The following PCDHA10 variants were observed in gnomAD, a reference collection of about 807,000 sequenced individuals.
The protein encoded by PCDHA10 is protocadherin alpha 10, also known as protocadherin alpha-10.
Under a neutral mutation model 61.2 loss-of-function variants are expected in PCDHA10, and 45 were observed. The ratio of observed to expected loss-of-function variants is 0.74; its 90% confidence interval spans 0.58 to 0.94. The LOEUF (loss-of-function observed/expected upper bound fraction) is 0.94. PCDHA10 is among the 40% of genes least tolerant of loss of function. PCDHA10 has a pLI of 0.00. For missense variants in PCDHA10, 1,278 were observed against 1,236.2 expected, an observed-to-expected ratio of 1.03 and a Z score of -0.51; for synonymous variants, 602 against 548.8, an observed-to-expected ratio of 1.10 and a Z score of -1.35.
rs2058926605 is a variant in PCDHA10, at chr5:140,882,051, AC to A, written c.2388+23616del. The A allele has an allele frequency of 7.9e-6, 6 of 757,556 alleles. No homozygotes were observed. The Admixed American group carries it at 1.6e-4, about 20-fold the overall frequency. 46.9% of individuals were successfully genotyped at this position (757,556 alleles called of 1,614,324 possible). A position where few individuals can be genotyped will look rare whatever the true frequency, so the allele number is the denominator to read the frequency against. ...AAAATATGAAGACTGAGTCATACTT[AC>A]ACTTACACGTTCATGCGCATGGTGT... On this transcript the variant is annotated intron_variant, in intron 1 of 3. Coordinates refer to ENST00000307360, the MANE Select transcript of PCDHA10 (RefSeq NM_018901.4).
chr5:140,929,071 T>C, intron 1 of PCDHA10: 1 of 1,614,122 alleles, frequency 6.2e-7, no homozygotes, highest in South Asian at 1.1e-5. Flanking sequence ...GGATCTGAGG[T>C]ATGGAAGTAA....
chr5:140,897,722 T>G (rs1236534951), intron 1 of PCDHA10, among the ~76,000 whole-genome samples: 10 of 152,162 alleles, frequency 6.6e-5, no homozygotes, highest in Admixed American at 6.5e-4. Context: ...GATGGCTGGG[T>G]CAAATAGTAT....
intron 1 of PCDHA10, among the ~76,000 whole-genome samples, chr5:140,948,075 T>C (rs1554218432): frequency 1.3e-5 from 2 of 151,684 alleles, no homozygotes; most frequent in Non-Finnish European, 3.0e-5. Flanking sequence ...AATTTTCTTT[T>C]AATCTATTGA....
intron 3 of PCDHA10, among the ~76,000 whole-genome samples, chr5:141,001,598 G>C (rs2098027263): frequency 6.6e-6 from 1 of 152,088 alleles, no homozygotes; most frequent in South Asian, 2.1e-4. Flanking sequence ...ACTCAGATTA[G>C]GTTTGCCCAA....
At chr5:140,969,485 T>C (rs1485555970) in intron 1 of PCDHA10, 4 of 1,461,452 alleles carry the variant, frequency 2.7e-6, no homozygotes, top group African/African-American at 2.9e-5. Flanking sequence ...CATAATCTGC[T>C]ATTTCCTCTC....
intron 3 of PCDHA10, among the ~76,000 whole-genome samples, chr5:140,985,361 G>T (rs1453706797): frequency 1.3e-5 from 2 of 152,132 alleles, no homozygotes; most frequent in Non-Finnish European, 2.9e-5. Flanking sequence ...GACCCTCTGA[G>T]GTTATCTGGG....
At position 140,876,102 on chromosome 5, in the gene PCDHA10, A is replaced by G. The variant is rs1363448025; in HGVS notation, c.2388+17666A>G. 4 of 1,613,844 alleles carry G rather than the reference A, an allele frequency of 2.5e-6. No individual in the cohort carries two copies. The African/African-American group carries it at 4.0e-5, about 16-fold the overall frequency. ...GAGAGCAAACGCCAAAACTCAATTT[A>G]TTGCTGATGGTAATCGATGGCGGTA... On this transcript the variant is annotated intron_variant, in intron 1 of 3. Coordinates refer to ENST00000307360, the MANE Select transcript of PCDHA10 (RefSeq NM_018901.4).
At chr5:140,895,454 G>T (rs1554186522) in intron 1 of PCDHA10, among the ~76,000 whole-genome samples, 1 of 151,918 alleles carries the variant, frequency 6.6e-6, no homozygotes, top group Non-Finnish European at 1.5e-5. Context: ...TGTGCTTATT[G>T]GTCATTTCTT....
chr5:140,893,135 T>C (rs1405005785), intron 1 of PCDHA10, among the ~76,000 whole-genome samples: 1 of 152,252 alleles, frequency 6.6e-6, no homozygotes, highest in Non-Finnish European at 1.5e-5. Flanking sequence ...ATTTTCTTTA[T>C]CCACTCATCT....
intron 1 of PCDHA10, chr5:140,868,884 T>C: frequency 1.4e-6 from 1 of 728,466 alleles, no homozygotes; most frequent in East Asian, 2.8e-5. Flanking sequence ...ACTCACAGTT[T>C]TAGGCGCAAG....
chr5:140,921,587 A>G (rs970982898), intron 1 of PCDHA10, among the ~76,000 whole-genome samples: 2 of 152,228 alleles, frequency 1.3e-5, no homozygotes, highest in Non-Finnish European at 2.9e-5. Context: ...ATACTATATT[A>G]TGGTTTCAAA....
At chr5:141,007,980 A>G (rs533342900) in intron 3 of PCDHA10, among the ~76,000 whole-genome samples, 1 of 152,338 alleles carries the variant, frequency 6.6e-6, no homozygotes, top group East Asian at 1.9e-4. Context: ...TGTCATGTAT[A>G]TATGAAATGT....
intron 1 of PCDHA10, among the ~76,000 whole-genome samples, chr5:140,966,049 A>AC (rs2095962296): frequency 6.6e-6 from 1 of 152,102 alleles, no homozygotes; most frequent in African/African-American, 2.4e-5. Context: ...ATCGCCAGTA[A>AC]CCCCAGAGCG....
At position 140,884,225 on chromosome 5, in the gene PCDHA10, G is replaced by T. The variant is rs782322312; in HGVS notation, c.2388+25789G>T. 1.6e-5 allele frequency: 26 copies of T among 1,613,448 alleles called. No homozygotes were observed. The South Asian group carries it at 2.4e-4, about 15-fold the overall frequency. ...CCACCGCCTTCTGGTGCTGGTGAAG[G>T]ACCACGGTGAGCCCGCGCTGACGGC... is the stretch of plus-strand genomic sequence containing the variant. On this transcript the variant is annotated intron_variant, in intron 1 of 3. Transcript: ENST00000307360.
chr5:140,876,233 A>G, intron 1 of PCDHA10: 1 of 1,614,016 alleles, frequency 6.2e-7, no homozygotes, highest in Non-Finnish European at 8.5e-7. Context: ...TTGTCTGAAA[A>G]TGTCCAAAAC....
In PCDHA10 at chr5:140,857,672, C is replaced by T; in HGVS notation, c.1624C>T (p.Pro542Ser). Residue 542 changes from proline to serine, a missense_variant, in exon 1 of 4, where the codon CCG (proline) becomes TCG (serine). Coordinates refer to ENST00000307360, the MANE Select transcript of PCDHA10 (RefSeq NM_018901.4). ...GGTGAGCGCGCGCGATGGGGGCGTG[C>T]CGCCTCTGGGCAGCAACTTGACGCT... is the stretch of plus-strand genomic sequence containing the variant. Reference protein sequence around the residue: ...FQVSARDGGVPPLGSNLTLQV... With the variant: ...FQVSARDGGVSPLGSNLTLQV... 2.5e-6 allele frequency: 4 copies of T among 1,596,908 alleles called. No individual in the cohort carries two copies. Among genetic ancestry groups the T allele is most frequent in the Middle Eastern group, 3.8e-4 (2 of 5,292 alleles).
chr5:140,912,860 G>A (rs1554195574), intron 1 of PCDHA10, among the ~76,000 whole-genome samples: 1 of 152,182 alleles, frequency 6.6e-6, no homozygotes, highest in African/African-American at 2.4e-5. Flanking sequence ...CAATTGAAAT[G>A]ATATATGGTT....
chr5:140,989,949 G>A (rs551733184), intron 3 of PCDHA10, among the ~76,000 whole-genome samples: 3 of 152,064 alleles, frequency 2.0e-5, no homozygotes, highest in South Asian at 2.1e-4. Context: ...CGTTTTTCTC[G>A]GTGAGACCAA....
rs1215041869 is a variant in PCDHA10, at chr5:141,010,411, G to T, written c.*474G>T. ...TGAGACGAGCCAGCTTAGACTAATT[G>T]GTACAAGGAAGGCAAGAAAACAAAG... On this transcript the variant is annotated 3_prime_UTR_variant, in exon 4 of 4. Transcript: ENST00000307360. 4.1e-6 allele frequency: 5 copies of T among 1,224,236 alleles called. No individual in the cohort carries two copies. The highest frequency in any genetic ancestry group is 4.4e-6 in the Non-Finnish European group (4 of 905,798). The allele number at this position is 1,224,236 out of a possible 1,614,324, so 75.8% of individuals were successfully genotyped here. A position where few individuals can be genotyped will look rare whatever the true frequency, so the allele number is the denominator to read the frequency against.
Sources: gnomAD v4.1 joint callset for allele counts (sites outside exome capture counted in the v4.1 genomes callset) on GRCh38, gnomAD v4.1.1 for gene constraint, MANE v1.5 for transcripts, NCBI Gene and HGNC (gene_info 2026-07-23, HGNC 2026-07-21) for gene names.